The following RANBP2 variants were observed in gnomAD, a reference collection of about 807,000 sequenced individuals.
The protein encoded by RANBP2 is RAN binding protein 2.
RANBP2 carries 57 observed loss-of-function variants against 303.6 expected under a neutral mutation model. The observed-to-expected ratio is 0.19, with a 90% confidence interval of 0.15 to 0.23. The LOEUF is 0.23. Ranked by LOEUF, RANBP2 falls within the 10% of genes least tolerant of loss-of-function variation. The probability of loss-of-function intolerance (pLI) is 1.00; values close to 1 mark genes in which losing one functional copy is unlikely to be tolerated. For synonymous variants in RANBP2, 1,167 were observed against 1,301.5 expected (o/e 0.90, Z 2.23); for missense variants, 3,138 against 3,780.8 (o/e 0.83, Z 4.46).
rs1695527744 is a variant in RANBP2, at chr2:108,735,747, T to C, written c.621T>C (p.Val207=). 1 of 1,597,500 alleles carries C rather than the reference T, an allele frequency of 6.3e-7. No individual in the cohort carries two copies. The highest frequency in any genetic ancestry group is 1.1e-5 in the South Asian group (1 of 90,998). Residue 207 remains valine (V), a synonymous_variant, in exon 5 of 29, where the codon GTT becomes GTC. Transcript: ENST00000283195. ...LRSSLEWNSC[V]VQTLKEYLES... is the part of the protein sequence containing the mutation. ...CAAGTTTAGAATGGAATTCGTGTGT[T>C]GTACAGACCCTTAAGGTAGATAAAA...
chr2:108,788,925 A>G (rs1167858231), downstream of RANBP2: 4 of 1,614,050 alleles, frequency 2.5e-6, no homozygotes, highest in African/African-American at 5.3e-5. Flanking sequence ...AGCATTGTAG[A>G]ACACCATTGG....
chr2:108,783,522 T>A (rs1678405610), intron 28 of RANBP2, 74 bp from the exon 29 acceptor site: 2 of 1,149,694 alleles, frequency 1.7e-6, no homozygotes, highest in South Asian at 1.4e-5. Context: ...TCTGTGTGTA[T>A]TTTAATATTT....
chr2:109,045,911 T>C, the RANBP2 span, among the ~76,000 whole-genome samples: 1 of 151,940 alleles, frequency 6.6e-6, no homozygotes, highest in Non-Finnish European at 1.5e-5. Flanking sequence ...TTGACAGGGG[T>C]GTGGGGCTCT....
chr2:109,565,733 A>G, the RANBP2 span: 2,469 of 1,552,314 alleles, frequency 1.6e-3, 32 homozygotes, highest in African/African-American at 0.028. Flanking sequence ...AGATAGATAC[A>G]TATTTCTAGT....
the RANBP2 span, chr2:109,617,313 A>G: frequency 6.0e-6 from 1 of 167,072 alleles, no homozygotes; most frequent in African/African-American, 2.4e-5. Context: ...AGATGGGACT[A>G]TTTCTATATT....
the RANBP2 span, among the ~76,000 whole-genome samples, chr2:109,187,486 A>G: frequency 6.6e-6 from 1 of 152,192 alleles, no homozygotes; most frequent in Non-Finnish European, 1.5e-5. Flanking sequence ...ACTGTGTGAT[A>G]AGATTATATC....
At chr2:109,598,299 C>G in the RANBP2 span, among the ~76,000 whole-genome samples, 2 of 151,978 alleles carry the variant, frequency 1.3e-5, no homozygotes, top group African/African-American at 4.8e-5. Context: ...AACTCCCAAC[C>G]TCAGGTGATC....
chr2:109,005,989 G>A, the RANBP2 span, among the ~76,000 whole-genome samples: 38,486 of 151,972 alleles, frequency 0.25, 6,470 homozygotes, highest in East Asian at 0.74. Flanking sequence ...GGTCACATGA[G>A]CCAGTGGGTC....
At chr2:109,553,326 CCT>C in the RANBP2 span, 1 of 1,161,552 alleles carries the variant, frequency 8.6e-7, no homozygotes, top group Non-Finnish European at 1.2e-6. Flanking sequence ...AGGTGGATCA[CCT>C]AAGGTCAGGA....
chr2:109,397,874 G>A, the RANBP2 span, among the ~76,000 whole-genome samples: 9 of 152,208 alleles, frequency 5.9e-5, no homozygotes, highest in Non-Finnish European at 8.8e-5. Flanking sequence ...TCAGACTTTC[G>A]TCAAACTCTT....
At chr2:109,626,240 G>A in the RANBP2 span, among the ~76,000 whole-genome samples, 2 of 150,568 alleles carry the variant, frequency 1.3e-5, no homozygotes, top group Non-Finnish European at 2.9e-5. Flanking sequence ...TGAACTTTGA[G>A]AGGCCGAGGT....
At chr2:109,459,653 C>T in the RANBP2 span, among the ~76,000 whole-genome samples, 33 of 152,286 alleles carry the variant, frequency 2.2e-4, no homozygotes, top group Non-Finnish European at 2.4e-4. Flanking sequence ...CAGTAGTTCC[C>T]GTTCCTGCCT....
chr2:109,574,651 T>C, the RANBP2 span: 8 of 1,607,664 alleles, frequency 5.0e-6, no homozygotes, highest in Admixed American at 5.1e-5. Flanking sequence ...TGAAATGAAG[T>C]AGAGACACAC....
At chr2:109,250,732 A>G in the RANBP2 span, among the ~76,000 whole-genome samples, 4 of 151,976 alleles carry the variant, frequency 2.6e-5, no homozygotes, top group South Asian at 6.2e-4. Context: ...GCCAAATTCA[A>G]CTTCTATGTT....
the RANBP2 span, among the ~76,000 whole-genome samples, chr2:108,875,146 T>A: frequency 6.6e-6 from 1 of 151,720 alleles, no homozygotes; most frequent in Non-Finnish European, 1.5e-5. Flanking sequence ...ACATAAGAGT[T>A]TGTATTAGGA....
the RANBP2 span, among the ~76,000 whole-genome samples, chr2:108,874,921 G>GT: frequency 1.4e-5 from 1 of 72,750 alleles, no homozygotes; most frequent in Non-Finnish European, 3.7e-5. Flanking sequence ...TAATTCATGG[G>GT]ATTTTTTTTT....
chr2:109,611,244 TAAG>T, the RANBP2 span, among the ~76,000 whole-genome samples: 1 of 151,892 alleles, frequency 6.6e-6, no homozygotes, highest in Non-Finnish European at 1.5e-5. Context: ...AGGAAAAAAA[TAAG>T]AGAAAATCTT....
the RANBP2 span, among the ~76,000 whole-genome samples, chr2:109,742,400 G>A: frequency 1.4e-5 from 2 of 138,376 alleles, no homozygotes; most frequent in African/African-American, 5.8e-5. Context: ...CAGCCTGGGT[G>A]ACAAGAGGGA....
At chr2:108,856,791 C>T in the RANBP2 span, 1 of 1,611,322 alleles carries the variant, frequency 6.2e-7, no homozygotes, top group East Asian at 2.2e-5. Context: ...AACTATTTTC[C>T]AGCTGATTAC....
Sources: gnomAD v4.1 joint callset for allele counts (sites outside exome capture counted in the v4.1 genomes callset) on GRCh38, gnomAD v4.1.1 for gene constraint, MANE v1.5 for transcripts, NCBI Gene and HGNC (gene_info 2026-07-23, HGNC 2026-07-21) for gene names.